LRRC4: variants seen among roughly 807,000 people sequenced by gnomAD.
The protein encoded by LRRC4 is leucine rich repeat containing 4, also known as leucine-rich repeat-containing protein 4.
A neutral mutation model predicts 37.9 loss-of-function variants in LRRC4; 11 were observed. The observed-to-expected ratio is 0.29, with a 90% confidence interval of 0.18 to 0.48. The LOEUF (loss-of-function observed/expected upper bound fraction) is 0.48. Among genes scored for constraint, LRRC4 ranks in the 20% least tolerant of loss-of-function variants. The pLI is 0.99. For synonymous variants in LRRC4, 404 were observed against 346.7 expected (o/e 1.17, Z -1.84); for missense variants, 717 against 842.1 (o/e 0.85, Z 1.84).
At position 128,028,816 on chromosome 7, in the gene LRRC4, T is replaced by C; in HGVS notation, c.1825A>G (p.Thr609Ala). Reference sequence around the variant, plus strand: ...TGGGCCCCATGTGCTGGTTTGTAGGTGTTGTAGTTAATATGGTCATGAATT... The same window carrying C: ...TGGGCCCCATGTGCTGGTTTGTAGGCGTTGTAGTTAATATGGTCATGAATT... ...PTIHDHINYN[T>A]YKPAHGAHWT... Residue 609 changes from threonine (T) to alanine (A), a missense_variant, in exon 2 of 2, where the codon ACC becomes GCC. Thr to Ala is a moderately conservative substitution (Grantham distance 58). Around this residue, in one of 5 missense-constraint regions of LRRC4, gnomAD observed 140 missense variants for 137.2 expected, o/e 1.02. Coordinates refer to ENST00000249363, the MANE Select transcript of LRRC4 (RefSeq NM_022143.5). 6.2e-7 allele frequency: 1 copy of C among 1,614,050 alleles called. No homozygotes were observed. Among genetic ancestry groups the C allele is most frequent in the Non-Finnish European group, 8.5e-7 (1 of 1,180,014 alleles).
chr7:128,031,793 T>C (rs929716), upstream of LRRC4, among the ~76,000 whole-genome samples: 24,665 of 143,320 alleles, frequency 0.17, 2,510 homozygotes, highest in African/African-American at 0.3. Flanking sequence ...CGCCCGCCGC[T>C]GCCCGGCCCC....
chr7:128,029,314 T>G lies in LRRC4; in HGVS notation c.1327A>C (p.Thr443Pro). 1 of 1,614,172 alleles carries G rather than the reference T, an allele frequency of 6.2e-7. No individual in the cohort carries two copies. ...SNASAYLNVS[T>P]AELNTSNYSF... is the part of the protein sequence containing the mutation. ...TAGTTGGAGGTGTTAAGCTCAGCCGTGCTCACATTGAGGTAGGCCGAGGCG... is the reference window on the plus strand; with the variant it reads ...TAGTTGGAGGTGTTAAGCTCAGCCGGGCTCACATTGAGGTAGGCCGAGGCG... Residue 443 changes from threonine to proline, a missense_variant, in exon 2 of 2, where the codon ACG (threonine) becomes CCG (proline). Coordinates refer to ENST00000249363, the MANE Select transcript of LRRC4 (RefSeq NM_022143.5). This position sits in a 1 kb window ranked among gnomAD's most constrained non-coding sequence, Gnocchi z 4.2.
In LRRC4 at chr7:128,028,987, T is replaced by C; in HGVS notation, c.1654A>G (p.Lys552Glu). ...ACTGTACTCCGCTGCTGGTGCCGCT[T>C]ACGAAGTTTATAGAAGACAATCAAC... ...AMLIVFYKLR[K>E]RHQQRSTVTA... The change falls in exon 2 of 2, where the codon AAG becomes GAG. Residue 552 changes from lysine to glutamate, a missense_variant. By Grantham distance (56) the Lys-to-Glu change is moderately conservative. Around this residue, in one of 5 missense-constraint regions of LRRC4, gnomAD observed 140 missense variants for 137.2 expected, o/e 1.02. Coordinates refer to ENST00000249363, the MANE Select transcript of LRRC4 (RefSeq NM_022143.5). 1 of 1,612,238 alleles carries C rather than the reference T, an allele frequency of 6.2e-7. No homozygotes were observed. Among genetic ancestry groups the C allele is most frequent in the Non-Finnish European group, 8.5e-7 (1 of 1,179,092 alleles).
rs151179120 is a variant in LRRC4 at position 128,028,925 on chromosome 7, G to C, written c.1716C>G (p.Asp572Glu). The change falls in exon 2 of 2, where the codon GAC (aspartate) becomes GAG (glutamate). Residue 572 changes from aspartate to glutamate, a missense_variant. Around this residue, in one of 5 missense-constraint regions of LRRC4, gnomAD observed 140 missense variants for 137.2 expected, o/e 1.02. Transcript: ENST00000249363. ...CGGATGTTGCTGCTGGGATGTCTTCGTCCACCTGGATTATCTCAACAGTCC... is the reference window on the plus strand; with the variant it reads ...CGGATGTTGCTGCTGGGATGTCTTCCTCCACCTGGATTATCTCAACAGTCC... ...AARTVEIIQVDEDIPAATSAA... is the reference protein window; with the variant it reads ...AARTVEIIQVEEDIPAATSAA... The C allele has an allele frequency of 3.5e-4, 571 of 1,611,000 alleles. No individual in the cohort carries two copies. The highest frequency in any genetic ancestry group is 2.3e-3 in the Middle Eastern group (14 of 6,058).
rs1264478123 is a variant in LRRC4 at position 128,028,710 on chromosome 7, G to A, written c.1931C>T (p.Thr644Ile). ...ISEPYIIQTH[T>I]KDKVQETQI Reference sequence around the variant, plus strand: ...TTGAGTTTCCTGTACCTTGTCCTTGGTATGGGTCTGAATTATATAAGGTTC... The same window carrying A: ...TTGAGTTTCCTGTACCTTGTCCTTGATATGGGTCTGAATTATATAAGGTTC... The change falls in exon 2 of 2, where the codon ACC (threonine) becomes ATC (isoleucine). Residue 644 changes from threonine to isoleucine, a missense_variant. Physicochemically the swap from Thr to Ile is moderately conservative, Grantham distance 89. Transcript: ENST00000249363. 1.2e-6 allele frequency: 2 copies of A among 1,613,848 alleles called. No individual in the cohort carries two copies. The highest frequency in any genetic ancestry group is 1.7e-6 in the Non-Finnish European group (2 of 1,179,890).
Position 128,029,845 on chromosome 7 carries a change from C to G in LRRC4, c.796G>C (p.Ala266Pro). 6.2e-7 allele frequency: 1 copy of G among 1,613,496 alleles called. No individual in the cohort carries two copies. Among genetic ancestry groups the G allele is most frequent in the Non-Finnish European group, 8.5e-7 (1 of 1,180,016 alleles). Residue 266 changes from alanine to proline, a missense_variant, in exon 2 of 2, where the codon GCT (alanine) becomes CCT (proline). Transcript: ENST00000249363. The surrounding 1 kb of genome is among the most constrained non-coding windows in gnomAD (Gnocchi z 4.2). Reference protein sequence around the residue: ...LIERNAFDGLASLVELNLAHN... With the variant: ...LIERNAFDGLPSLVELNLAHN... ...GCCAAGTTGAGTTCCACAAGTGAAG[C>G]CAGCCCGTCAAAAGCATTCCGCTCA...
chr7:128,028,494 C>A lies in LRRC4; in HGVS notation c.*185G>T. The A allele has an allele frequency of 3.9e-5, 21 of 537,866 alleles. No individual in the cohort carries two copies. Among genetic ancestry groups the A allele is most frequent in the Non-Finnish European group, 4.3e-5 (14 of 325,052 alleles). 33.3% of individuals were successfully genotyped at this position (537,866 alleles called of 1,614,324 possible). On this transcript the variant is annotated 3_prime_UTR_variant, in exon 2 of 2. Coordinates refer to ENST00000249363, the MANE Select transcript of LRRC4 (RefSeq NM_022143.5). Reference sequence around the variant, plus strand: ...CCCCACCCCCTTTAAATAGAACTTACAAGTTAGAAAATATTTTTGTTTTGA... The same window carrying A: ...CCCCACCCCCTTTAAATAGAACTTAAAAGTTAGAAAATATTTTTGTTTTGA...
chr7:128,031,509 C>G (rs1300225503), upstream of LRRC4: 3 of 151,526 alleles, frequency 2.0e-5, no homozygotes, highest in Non-Finnish European at 4.4e-5. Context: ...ACACACACCC[C>G]CTTTCTCCTC....
rs912703487 is a variant in LRRC4, at chr7:128,027,909, T to G, written c.*770A>C. 1 of 152,198 alleles carries G rather than the reference T, an allele frequency of 6.6e-6. No homozygotes were observed. The highest frequency in any genetic ancestry group is 2.4e-5 in the African/African-American group (1 of 41,386). 9.4% of individuals were successfully genotyped at this position (152,198 alleles called of 1,614,324 possible). A position where few individuals can be genotyped will look rare whatever the true frequency, so the allele number is the denominator to read the frequency against. On this transcript the variant is annotated 3_prime_UTR_variant, in exon 2 of 2. Transcript: ENST00000249363. ...GTTAAGCCCAACTGCAGGAATCTGG[T>G]GCAATGTGAAAGCATTAGACTGAGA...
rs1344036367 is a variant in LRRC4, at chr7:128,030,317, C to T, written c.324G>A (p.Arg108=). The change falls in exon 2 of 2, where the codon AGG becomes AGA. Residue 108 remains arginine, a synonymous_variant. Transcript: ENST00000249363. ...LHHLEVLQLG[R]NSIRQIEVGA... is the part of the protein sequence containing the mutation. ...CCACCTCAATCTGCCGGATGGAGTT[C>T]CTGCCCAACTGCAGGACCTCCAGGT... is the stretch of plus-strand genomic sequence containing the variant. 1.2e-6 allele frequency: 2 copies of T among 1,613,990 alleles called. No individual in the cohort carries two copies. The highest frequency in any genetic ancestry group is 2.7e-5 in the African/African-American group (2 of 74,924).
At position 128,029,774 on chromosome 7, in the gene LRRC4, C is replaced by T. The variant is rs758070119; in HGVS notation, c.867G>A (p.Leu289=). The part of the protein sequence containing the change: ...SSLPHDLFTP[L]RYLVELHLHH... ...GTAGATGCAACTCCACCAGGTACCT[C>T]AGCGGGGTAAAGAGGTCATGGGGCA... Residue 289 remains leucine, a synonymous_variant, in exon 2 of 2, where the codon CTG becomes CTA. Transcript: ENST00000249363. The surrounding 1 kb of genome is among the most constrained non-coding windows in gnomAD (Gnocchi z 4.2). 6.2e-7 allele frequency: 1 copy of T among 1,613,434 alleles called. No individual in the cohort carries two copies. The highest frequency in any genetic ancestry group is 1.1e-5 in the South Asian group (1 of 91,046).
chr7:128,030,792 G>GA (rs1264734230), intron 1 of LRRC4, 52 bp from the exon 2 acceptor site: 11 of 1,000,084 alleles, frequency 1.1e-5, no homozygotes, highest in East Asian at 2.8e-5. Context: ...CGGATCGGCC[G>GA]AAAAAAATCC....
At chr7:128,031,449 G>A (rs1792598697), upstream of LRRC4, 1 of 151,760 alleles carries the variant, frequency 6.6e-6, no homozygotes, top group East Asian at 1.9e-4. Context: ...TGAGCTCGCG[G>A]AGCGGCGAGA....
Position 128,029,432 on chromosome 7 carries a change from G to T in LRRC4, c.1209C>A (p.Val403=). The T allele has an allele frequency of 6.2e-7, 1 of 1,614,242 alleles. No homozygotes were observed. Among genetic ancestry groups the T allele is most frequent in the South Asian group, 1.1e-5 (1 of 91,086 alleles). The change falls in exon 2 of 2, where the codon GTC becomes GTA. Residue 403 remains valine, a synonymous_variant. Coordinates refer to ENST00000249363, the MANE Select transcript of LRRC4 (RefSeq NM_022143.5). The surrounding 1 kb of genome is among the most constrained non-coding windows in gnomAD (Gnocchi z 4.2). ...AAAAGTTCAAGGTGCCGTCGTTGAG[G>T]ACAGAGATCCTTGGGTGGCGGGAGG... ...SHASRHPRIS[V]LNDGTLNFSH... is the part of the protein sequence containing the mutation.
In LRRC4 at chr7:128,030,185, G is replaced by T; in HGVS notation, c.456C>A (p.Leu152=). ...AFEYLSKLRE[L]WLRNNPIESI... is the part of the protein sequence containing the mutation. ...TTTCGATGGGGTTGTTGCGAAGCCA[G>T]AGCTCCCGCAGCTTGGACAGGTATT... Residue 152 remains leucine (L), a synonymous_variant, in exon 2 of 2, where the codon CTC becomes CTA. Coordinates refer to ENST00000249363, the MANE Select transcript of LRRC4 (RefSeq NM_022143.5). The T allele has an allele frequency of 1.9e-6, 3 of 1,614,258 alleles. No homozygotes were observed. Among genetic ancestry groups the T allele is most frequent in the Non-Finnish European group, 2.5e-6 (3 of 1,180,056 alleles).
At position 128,027,995 on chromosome 7, in the gene LRRC4, T is replaced by C. The variant is rs775305528; in HGVS notation, c.*684A>G. ...AAGCAATTCTGTCAGGCAAGGCACA[T>C]GTGTGTCCAGTGCACAGACCCCCAA... On this transcript the variant is annotated 3_prime_UTR_variant, in exon 2 of 2. Transcript: ENST00000249363. 6.6e-6 allele frequency: 1 copy of C among 152,080 alleles called. No individual in the cohort carries two copies. The highest frequency in any genetic ancestry group is 1.5e-5 in the Non-Finnish European group (1 of 68,050). The allele number at this position is 152,080 out of a possible 1,614,324, so 9.4% of individuals were successfully genotyped here.
upstream of LRRC4, chr7:128,031,711 G>A (rs1019626024): frequency 3.1e-4 from 45 of 144,028 alleles, no homozygotes; most frequent in African/African-American, 1.1e-3. Flanking sequence ...CCCCTTCAGA[G>A]AGTCCGGGGG....
In LRRC4 at chr7:128,029,681, G is replaced by A. The variant is rs1792520182; in HGVS notation, c.960C>T (p.Pro320=). 1.9e-6 allele frequency: 3 copies of A among 1,613,830 alleles called. No homozygotes were observed. Among genetic ancestry groups the A allele is most frequent in the South Asian group, 2.2e-5 (2 of 91,084 alleles). Residue 320 remains proline (P), a synonymous_variant, in exon 2 of 2, where the codon CCC becomes CCT. Coordinates refer to ENST00000249363, the MANE Select transcript of LRRC4 (RefSeq NM_022143.5). This position sits in a 1 kb window ranked among gnomAD's most constrained non-coding sequence, Gnocchi z 4.2. The part of the protein sequence containing the change: ...WLAWWLREYI[P]TNSTCCGRCH... ...AGCGGCCACAGCAGGTGGAATTGGT[G>A]GGTATATACTCTCGAAGCCACCAGG...
rs921438968 is a variant in LRRC4, at chr7:128,031,306, C to G, written c.-494G>C. Among the ~76,000 whole-genome samples the G allele has an allele frequency of 6.6e-6, 1 of 151,550 alleles. No homozygotes were observed. Among genetic ancestry groups the G allele is most frequent in the Non-Finnish European group, 1.5e-5 (1 of 67,802 alleles). Reference sequence around the variant, plus strand: ...ATCGCCAAAGTGCGCTCCGGCGGCCCCGGCCCGCTCTGCGGGCCGCCGCCG... The same window carrying G: ...ATCGCCAAAGTGCGCTCCGGCGGCCGCGGCCCGCTCTGCGGGCCGCCGCCG... On this transcript the variant is annotated 5_prime_UTR_variant, in exon 1 of 2. Coordinates refer to ENST00000249363, the MANE Select transcript of LRRC4 (RefSeq NM_022143.5).
Sources: allele counts gnomAD v4.1 joint callset (sites outside exome capture counted in the v4.1 genomes callset), GRCh38; gene constraint gnomAD v4.1.1; regional missense constraint gnomAD v4.1.1; non-coding constraint Gnocchi (gnomAD v3.1); transcripts MANE v1.5; gene names NCBI Gene and HGNC (gene_info 2026-07-23, HGNC 2026-07-21).